Variants in VPS13B observed in about 807,000 individuals in gnomAD.
The protein encoded by VPS13B is vacuolar protein sorting 13 homolog B.
Under a neutral mutation model 426.4 loss-of-function variants are expected in VPS13B, and 285 were observed. That is an observed-to-expected ratio of 0.67 (90% confidence interval 0.61 to 0.74). The LOEUF (loss-of-function observed/expected upper bound fraction) is 0.74, where lower values mean the gene tolerates loss of function less well. Ranked by LOEUF, VPS13B falls within the 30% of genes least tolerant of loss-of-function variation. The pLI is 0.00. For synonymous variants in VPS13B, 1,676 were observed against 1,676.4 expected (o/e 1.00, Z 0.01); for missense variants, 4,537 against 4,782.6 (o/e 0.95, Z 1.51).
At chr8:99,191,133 A>C (rs186641224) in intron 16 of VPS13B, among the ~76,000 whole-genome samples, 5 of 151,474 alleles carry the variant, frequency 3.3e-5, no homozygotes, top group African/African-American at 1.2e-4. Context: ...TCTGTTCTGC[A>C]TGATTTCTGA....
At chr8:99,207,487 G>A (rs1022990975) in intron 17 of VPS13B, among the ~76,000 whole-genome samples, 1 of 152,080 alleles carries the variant, frequency 6.6e-6, no homozygotes, top group Non-Finnish European at 1.5e-5. Context: ...GTCCTTTAGT[G>A]AAAGAAAATA....
intron 4 of VPS13B, 136 bp downstream of exon 4, chr8:99,096,568 C>T: frequency 2.4e-6 from 3 of 1,238,022 alleles, no homozygotes; most frequent in Non-Finnish European, 3.4e-6. Context: ...CCAGCCTGGC[C>T]AACATGGTGA....
chr8:99,147,868 T>G lies in VPS13B; in HGVS notation c.1871T>G (p.Leu624Arg), dbSNP rs1424011867. 3.1e-6 allele frequency: 5 copies of G among 1,591,010 alleles called. No individual in the cohort carries two copies. Among genetic ancestry groups the G allele is most frequent in the Non-Finnish European group, 4.3e-6 (5 of 1,169,044 alleles). The part of the protein sequence containing the change: ...SDIKDENETI[L>R]NPEEVALLEE... ...ATTAAGGATGAAAATGAAACAATAC[T>G]GAATCCTGAAGAGGTGGCTCTTCTG... The change falls in exon 14 of 62, where the codon CTG becomes CGG. Residue 624 changes from leucine (L) to arginine (R), a missense_variant. Coordinates refer to ENST00000357162, the MANE Select transcript of VPS13B (RefSeq NM_152564.5).
intron 19 of VPS13B, among the ~76,000 whole-genome samples, chr8:99,310,396 A>T (rs557956591): frequency 6.6e-6 from 1 of 152,330 alleles, no homozygotes; most frequent in South Asian, 2.1e-4. Context: ...TTAAGCATGA[A>T]TGCCTATTGA....
At chr8:99,592,271 A>G (rs1826728780) in intron 33 of VPS13B, among the ~76,000 whole-genome samples, 1 of 152,036 alleles carries the variant, frequency 6.6e-6, no homozygotes, top group Admixed American at 6.6e-5. Flanking sequence ...ATCCTCCCGT[A>G]GCTTGGAGAT....
At chr8:99,577,734 T>C (rs1825844504) in intron 33 of VPS13B, 101 bp downstream of exon 33, 2 of 1,427,592 alleles carry the variant, frequency 1.4e-6, no homozygotes, top group Admixed American at 3.5e-5. Context: ...TGCTTAATTA[T>C]TCTGTGTTTA....
chr8:99,089,343 T>C (rs7835084), intron 3 of VPS13B, among the ~76,000 whole-genome samples: 125,390 of 152,088 alleles, frequency 0.82, 52,191 homozygotes, highest in South Asian at 0.89. Context: ...CAAAAAGCAT[T>C]TGAGACAAGT....
At chr8:99,170,744 A>G (rs955374939) in intron 16 of VPS13B, among the ~76,000 whole-genome samples, 4 of 151,722 alleles carry the variant, frequency 2.6e-5, no homozygotes, top group African/African-American at 9.7e-5. Context: ...TACCAGTTAT[A>G]AATTTTTAGT....
At chr8:99,307,748 A>G (rs953898567) in intron 19 of VPS13B, among the ~76,000 whole-genome samples, 1 of 151,858 alleles carries the variant, frequency 6.6e-6, no homozygotes, top group Non-Finnish European at 1.5e-5. Flanking sequence ...TGAAGTTTCT[A>G]TTTCATTTAG....
intron 34 of VPS13B, among the ~76,000 whole-genome samples, chr8:99,644,484 A>G (rs1260572043): frequency 6.6e-6 from 1 of 152,180 alleles, no homozygotes; most frequent in Non-Finnish European, 1.5e-5. Context: ...TAAAGCGGGG[A>G]AAAAACCTTG....
At chr8:99,433,962 C>T (rs137951248) in intron 22 of VPS13B, among the ~76,000 whole-genome samples, 1,616 of 152,084 alleles carry the variant, frequency 0.011, 18 homozygotes, top group Non-Finnish European at 0.018. Context: ...CCCACCACCA[C>T]GCCCAGCTAA....
At chr8:99,201,276 C>A (rs148487818) in intron 17 of VPS13B, among the ~76,000 whole-genome samples, 29 of 152,118 alleles carry the variant, frequency 1.9e-4, no homozygotes, top group African/African-American at 7.0e-4. Context: ...TAATTGAGTT[C>A]CAGTTTTACC....
chr8:99,500,913 AC>A (rs1354078011), intron 25 of VPS13B, among the ~76,000 whole-genome samples: 1 of 152,176 alleles, frequency 6.6e-6, no homozygotes, highest in East Asian at 1.9e-4. Context: ...AAGACCAAAA[AC>A]AAACAAACAA....
At chr8:99,121,645 C>A in intron 8 of VPS13B, 200 bp downstream of exon 8, 1 of 1,335,466 alleles carries the variant, frequency 7.5e-7, no homozygotes, top group Non-Finnish European at 9.7e-7. Flanking sequence ...CTTCTTAGGG[C>A]ATTCTCCACA....
chr8:99,167,604 C>A (rs1380672090), intron 15 of VPS13B, among the ~76,000 whole-genome samples: 1 of 151,840 alleles, frequency 6.6e-6, no homozygotes, highest in African/African-American at 2.4e-5. Flanking sequence ...AGTAAGTTGC[C>A]ATATAATGTT....
Position 99,817,773 on chromosome 8 carries a change from C to G in VPS13B, c.8331C>G (p.Ser2777=). The G allele has an allele frequency of 6.2e-7, 1 of 1,614,056 alleles. No homozygotes were observed. The highest frequency in any genetic ancestry group is 8.5e-7 in the Non-Finnish European group (1 of 1,179,978). Residue 2777 remains serine, a synonymous_variant, in exon 45 of 62, where the codon TCC becomes TCG. Transcript: ENST00000357162. The part of the protein sequence containing the change: ...EDWSRDVCLE[S]KAPEYSIVIQ... ...GGTCAAGAGATGTGTGCCTGGAATCCAAAGCCCCTGAGTACAGCATTGTCA... is the reference window on the plus strand; with the variant it reads ...GGTCAAGAGATGTGTGCCTGGAATCGAAAGCCCCTGAGTACAGCATTGTCA...
chr8:99,873,748 C>CTAGAG (rs1410403715), intron 61 of VPS13B, among the ~76,000 whole-genome samples: 5 of 151,774 alleles, frequency 3.3e-5, no homozygotes, highest in Non-Finnish European at 7.4e-5. Context: ...GTGCTGTAAT[C>CTAGAG]TAGAGTATTT....
At chr8:99,657,470 T>TGTGTGTGTGTGTG (rs60760111) in intron 34 of VPS13B, among the ~76,000 whole-genome samples, 4,222 of 146,956 alleles carry the variant, frequency 0.029, 170 homozygotes, top group African/African-American at 0.088. Flanking sequence ...ACTTTAAAAA[T>TGTGTGTGTGTGTG]TGTGTGTGTG....
At chr8:99,139,981 T>C (rs559608215) in intron 12 of VPS13B, among the ~76,000 whole-genome samples, 3 of 152,194 alleles carry the variant, frequency 2.0e-5, no homozygotes, top group African/African-American at 7.2e-5. Flanking sequence ...ATTGAGCCAA[T>C]ATTTTTACAG....
Sources: gnomAD v4.1 joint callset for allele counts (sites outside exome capture counted in the v4.1 genomes callset) on GRCh38, gnomAD v4.1.1 for gene constraint, MANE v1.5 for transcripts, NCBI Gene and HGNC (gene_info 2026-07-23, HGNC 2026-07-21) for gene names.